AMBRA1: variants seen among roughly 807,000 people sequenced by gnomAD.
AMBRA1 encodes the protein activating molecule in BECN1-regulated autophagy protein 1.
AMBRA1 carries 47 observed loss-of-function variants against 125.4 expected under a neutral mutation model. The observed-to-expected ratio is 0.37, with a 90% CI of 0.30 to 0.48. The LOEUF is 0.48. Among genes scored for constraint, AMBRA1 ranks in the 20% least tolerant of loss-of-function variants. AMBRA1 has a pLI of 0.99. For missense variants in AMBRA1, 1,331 were observed against 1,693.4 expected (o/e 0.79, Z 3.76); for synonymous variants, 626 against 655.5 (o/e 0.95, Z 0.69).
chr11:46,501,672 T>C lies in AMBRA1; in HGVS notation c.2339+6519A>G, dbSNP rs199970253. On this transcript the variant is annotated intron_variant, in intron 9 of 17. Transcript: ENST00000683756. ...ATTCCTTGATTTACCTCACCCCACATTGACCACTGTCACTCACTGATTCAC... is the reference window on the plus strand; with the variant it reads ...ATTCCTTGATTTACCTCACCCCACACTGACCACTGTCACTCACTGATTCAC... 3.9e-5 allele frequency among the ~76,000 whole-genome samples: 6 copies of C among 152,330 alleles called. No individual in the cohort carries two copies. In the East Asian group the frequency reaches 7.7e-4, roughly 20 times the overall value.
intron 17 of AMBRA1, among the ~76,000 whole-genome samples, chr11:46,398,867 G>A (rs557624932): frequency 1.3e-5 from 2 of 151,828 alleles, no homozygotes; most frequent in Non-Finnish European, 2.9e-5. Flanking sequence ...TCCGCCTCCC[G>A]GGTTCAAGCA....
chr11:46,476,874 A>G (rs1369483913), intron 11 of AMBRA1, among the ~76,000 whole-genome samples: 1 of 152,156 alleles, frequency 6.6e-6, no homozygotes, highest in East Asian at 1.9e-4. Flanking sequence ...GCACTTTGGG[A>G]GGCCAAGGTG....
At chr11:46,449,928 G>A (rs1045143389) in intron 11 of AMBRA1, among the ~76,000 whole-genome samples, 6 of 151,964 alleles carry the variant, frequency 3.9e-5, no homozygotes, top group Admixed American at 2.0e-4. Flanking sequence ...GCGTGGTGGC[G>A]CATATCTGTA....
chr11:46,496,221 A>C (rs1396201300), intron 9 of AMBRA1, among the ~76,000 whole-genome samples: 1 of 151,966 alleles, frequency 6.6e-6, no homozygotes, highest in Non-Finnish European at 1.5e-5. Flanking sequence ...TAAGAAAAAA[A>C]AAAATACAAA....
At chr11:46,439,680 C>A (rs1216119343) in intron 12 of AMBRA1, among the ~76,000 whole-genome samples, 1 of 152,084 alleles carries the variant, frequency 6.6e-6, no homozygotes, top group African/African-American at 2.4e-5. Context: ...CAAAAATAAC[C>A]TTCAGCAAAG....
intron 1 of AMBRA1, among the ~76,000 whole-genome samples, chr11:46,555,931 C>T (rs182139777): frequency 4.3e-4 from 65 of 152,274 alleles, no homozygotes; most frequent in African/African-American, 1.6e-3. Flanking sequence ...TTCACTATGC[C>T]CATGTGGGCA....
At chr11:46,398,548 G>A (rs932633861) in intron 17 of AMBRA1, among the ~76,000 whole-genome samples, 5 of 152,094 alleles carry the variant, frequency 3.3e-5, no homozygotes, top group Non-Finnish European at 5.9e-5. Flanking sequence ...GCAGTGGTGC[G>A]ATCTCAGCTC....
In AMBRA1 at chr11:46,542,969, G is replaced by T. The variant is rs1952824704; in HGVS notation, c.1048C>A (p.His350Asn). Residue 350 changes from histidine (H) to asparagine (N), a missense_variant, in exon 7 of 18, where the codon CAT becomes AAT. Physicochemically the swap from His to Asn is moderately conservative, Grantham distance 68 (BLOSUM62 1). Transcript: ENST00000683756. This position sits in a 1 kb window ranked among gnomAD's most constrained non-coding sequence, Gnocchi z 5.9. Reference protein sequence around the residue: ...SFSFVQTEPFHPPEQASSTQQ... With the variant: ...SFSFVQTEPFNPPEQASSTQQ... ...GTTGACGAGGCCTGCTCCGGGGGAT[G>T]GAAGGGCTCGGTCTGTACAAAAGAA... is the stretch of plus-strand genomic sequence containing the variant. The T allele has an allele frequency of 1.2e-6, 2 of 1,604,390 alleles. No homozygotes were observed. The highest frequency in any genetic ancestry group is 1.1e-5 in the South Asian group (1 of 91,084).
Position 46,542,818 on chromosome 11 carries a change from G to T in AMBRA1, c.1199C>A (p.Ser400Tyr), listed in dbSNP as rs978695790. 3.1e-6 allele frequency: 5 copies of T among 1,613,998 alleles called. No homozygotes were observed. The highest frequency in any genetic ancestry group is 4.2e-6 in the Non-Finnish European group (5 of 1,180,026). The change falls in exon 7 of 18, where the codon TCT becomes TAT. Residue 400 changes from serine to tyrosine, a missense_variant. Ser to Tyr is a moderately radical substitution (Grantham distance 144). This residue lies in a region of AMBRA1 where 689 missense variants were observed against 776.5 expected (regional missense o/e 0.89). Coordinates refer to ENST00000683756, the MANE Select transcript of AMBRA1 (RefSeq NM_001387011.1). This position sits in a 1 kb window ranked among gnomAD's most constrained non-coding sequence, Gnocchi z 5.9. ...PTRRSLGGPL[S>Y]SHPSRYHREI... is the part of the protein sequence containing the mutation. ...TCGGTGATACCTAGAAGGGTGGCTA[G>T]ACAGAGGCCCTCCCAAAGAGCGGCG... is the stretch of plus-strand genomic sequence containing the variant.
intron 1 of AMBRA1, among the ~76,000 whole-genome samples, chr11:46,583,775 C>G (rs1358127543): frequency 6.6e-6 from 1 of 151,174 alleles, no homozygotes; most frequent in Non-Finnish European, 1.5e-5. Flanking sequence ...TGAAAAAATG[C>G]TCACCATCAC....
intron 1 of AMBRA1, among the ~76,000 whole-genome samples, chr11:46,579,073 A>T (rs2044079052): frequency 6.6e-6 from 1 of 150,380 alleles, no homozygotes; most frequent in Non-Finnish European, 1.5e-5. Context: ...AAAGATAAGG[A>T]ATGAACTTTA....
intron 1 of AMBRA1, among the ~76,000 whole-genome samples, chr11:46,575,106 TA>T (rs1157684995): frequency 2.6e-5 from 4 of 152,262 alleles, no homozygotes; most frequent in African/African-American, 9.6e-5. Flanking sequence ...AATCCTTCAT[TA>T]AAAGTACCAG....
chr11:46,573,746 A>T (rs1318629544), intron 1 of AMBRA1, among the ~76,000 whole-genome samples: 1 of 149,218 alleles, frequency 6.7e-6, no homozygotes, highest in Non-Finnish European at 1.5e-5. Flanking sequence ...TACATGTGCC[A>T]TGCTGGTGCG....
chr11:46,566,371 T>C (rs777577003), intron 1 of AMBRA1, among the ~76,000 whole-genome samples: 8 of 151,660 alleles, frequency 5.3e-5, no homozygotes, highest in East Asian at 1.9e-4. Flanking sequence ...TGAGCCGAGA[T>C]TGAGCCACGG....
chr11:46,570,625 G>GC (rs1012039936), intron 1 of AMBRA1, among the ~76,000 whole-genome samples: 11 of 151,890 alleles, frequency 7.2e-5, no homozygotes, highest in South Asian at 6.2e-4. Context: ...GATGTTACTT[G>GC]CCCCCCCATT....
At chr11:46,428,942 T>C in intron 14 of AMBRA1, 1 of 1,612,148 alleles carries the variant, frequency 6.2e-7, no homozygotes, top group South Asian at 1.1e-5. Flanking sequence ...ATTGGTAAGG[T>C]ACCAGTAGAA....
intron 11 of AMBRA1, among the ~76,000 whole-genome samples, chr11:46,451,273 C>G (rs900582489): frequency 2.0e-5 from 3 of 152,196 alleles, no homozygotes; most frequent in African/African-American, 7.2e-5. Flanking sequence ...GCTGCCAAGT[C>G]TCATTCCAGA....
intron 1 of AMBRA1, among the ~76,000 whole-genome samples, chr11:46,579,272 ACATG>A (rs2044088341): frequency 1.3e-5 from 2 of 152,110 alleles, no homozygotes; most frequent in Non-Finnish European, 2.9e-5. Context: ...AGCCTGACCA[ACATG>A]GAGAAACCCC....
chr11:46,507,294 A>G (rs1951078303), intron 9 of AMBRA1, among the ~76,000 whole-genome samples: 1 of 151,020 alleles, frequency 6.6e-6, no homozygotes, highest in Middle Eastern at 3.2e-3. Flanking sequence ...CCTGGCTAAC[A>G]TGGTGAAACC....
Sources: allele counts gnomAD v4.1 joint callset (sites outside exome capture counted in the v4.1 genomes callset), GRCh38; gene constraint gnomAD v4.1.1; regional missense constraint gnomAD v4.1.1; non-coding constraint Gnocchi (gnomAD v3.1); transcripts MANE v1.5; gene names NCBI Gene and HGNC (gene_info 2026-07-23, HGNC 2026-07-21).